The following SLC26A7 variants were observed in gnomAD, a reference collection of about 807,000 sequenced individuals.
SLC26A7 encodes the protein anion exchange transporter.
SLC26A7 carries 59 observed loss-of-function variants against 82.5 expected under a neutral mutation model. The ratio of observed to expected loss-of-function variants is 0.72; its 90% CI spans 0.58 to 0.89. The LOEUF is 0.89. Ranked by LOEUF, SLC26A7 falls within the 40% of genes least tolerant of loss-of-function variation. The pLI, the probability that SLC26A7 is intolerant of heterozygous loss-of-function variation, is 0.00. For missense variants in SLC26A7, 820 were observed against 793.0 expected, an observed-to-expected ratio of 1.03 and a Z score of -0.41; for synonymous variants, 271 against 274.3, an observed-to-expected ratio of 0.99 and a Z score of 0.12.
At chr8:91,266,148 A>C (rs1430114181) in intron 2 of SLC26A7, among the ~76,000 whole-genome samples, 1 of 151,768 alleles carries the variant, frequency 6.6e-6, no homozygotes, top group East Asian at 1.9e-4. Flanking sequence ...GCTCTGTAGT[A>C]TATTTTGAAG....
intron 14 of SLC26A7, among the ~76,000 whole-genome samples, chr8:91,367,431 C>T (rs1053629766): frequency 2.6e-5 from 4 of 152,134 alleles, no homozygotes; most frequent in Admixed American, 6.5e-5. Flanking sequence ...TTATAATGTT[C>T]CAGAATTCTT....
chr8:91,269,338 G>A (rs1811204366), intron 2 of SLC26A7, among the ~76,000 whole-genome samples: 1 of 151,988 alleles, frequency 6.6e-6, no homozygotes. Flanking sequence ...CACATTTGAA[G>A]GTTAACTTCG....
At chr8:91,295,400 A>G in intron 3 of SLC26A7, 131 bp from the exon 4 acceptor site, 1 of 980,318 alleles carries the variant, frequency 1.0e-6, no homozygotes, top group South Asian at 1.9e-5. Flanking sequence ...AAGCAAGGCC[A>G]CAGAGGAGGG....
chr8:91,380,468 A>G (rs1038829911), intron 15 of SLC26A7, among the ~76,000 whole-genome samples: 2 of 152,178 alleles, frequency 1.3e-5, no homozygotes, highest in African/African-American at 4.8e-5. Context: ...AATGATGTGG[A>G]CAATCATCTC....
Position 91,249,831 on chromosome 8 carries a change from A to C in SLC26A7, c.180A>C (p.Gln60His), listed in dbSNP as rs1031229613. 1 of 1,603,818 alleles carries C rather than the reference A, an allele frequency of 6.2e-7. No individual in the cohort carries two copies. The highest frequency in any genetic ancestry group is 1.7e-5 in the Admixed American group (1 of 57,736). Residue 60 changes from glutamine (Q) to histidine (H), a missense_variant, in exon 2 of 19, where the codon CAA (glutamine) becomes CAC (histidine). Physicochemically the swap from Gln to His is conservative, Grantham distance 24. Transcript: ENST00000276609. ...TGTCTGGGATAATGTTGGCAGTTCA[A>C]CAGGTGACCCAAGGTAATGTATTGC... ...DTVSGIMLAV[Q>H]QVTQGLAFAV...
chr8:91,244,803 G>A (rs112511769), upstream of SLC26A7, among the ~76,000 whole-genome samples: 1,350 of 152,078 alleles, frequency 8.9e-3, 17 homozygotes, highest in African/African-American at 0.031. Flanking sequence ...TTATAGGTAT[G>A]AGCCACTGCA....
At chr8:91,323,818 C>CTTTTTTTTTTTTTTTT (rs3086210) in intron 5 of SLC26A7, among the ~76,000 whole-genome samples, 2 of 117,092 alleles carry the variant, frequency 1.7e-5, no homozygotes, top group Middle Eastern at 4.6e-3. Flanking sequence ...TTTTTCTTAT[C>CTTTTTTTTTTTTTTTT]TTTTTTTTTT....
At chr8:91,229,726 T>C (rs1295330043) in intron 2 of SLC26A7, among the ~76,000 whole-genome samples, 3 of 152,192 alleles carry the variant, frequency 2.0e-5, no homozygotes, top group Non-Finnish European at 4.4e-5. Context: ...TATAAAGATA[T>C]GGAGCATTGC....
At chr8:91,219,916 AC>A (rs1487244010) in intron 2 of SLC26A7, among the ~76,000 whole-genome samples, 1 of 152,120 alleles carries the variant, frequency 6.6e-6, no homozygotes, top group Non-Finnish European at 1.5e-5. Flanking sequence ...TCATATTTAA[AC>A]CCCACCAGAA....
intron 2 of SLC26A7, among the ~76,000 whole-genome samples, chr8:91,230,338 T>G (rs1405641863): frequency 1.3e-5 from 2 of 152,190 alleles, no homozygotes; most frequent in African/African-American, 4.8e-5. Context: ...CACAGGCACT[T>G]TGTGGTTTAG....
chr8:91,273,638 A>G (rs1479601402), intron 2 of SLC26A7, among the ~76,000 whole-genome samples: 1 of 152,226 alleles, frequency 6.6e-6, no homozygotes, highest in Non-Finnish European at 1.5e-5. Context: ...ACTGGAAAAT[A>G]TGCTTAGTGA....
chr8:91,389,983 C>A (rs1197305711), intron 16 of SLC26A7, among the ~76,000 whole-genome samples: 1 of 152,150 alleles, frequency 6.6e-6, no homozygotes. Context: ...CAAAAAATAA[C>A]ACTCCACTTA....
chr8:91,265,155 T>C (rs1431578004), intron 2 of SLC26A7, among the ~76,000 whole-genome samples: 1 of 152,114 alleles, frequency 6.6e-6, no homozygotes, highest in Non-Finnish European at 1.5e-5. Flanking sequence ...TCTTTCTGTG[T>C]CTGGCTTATT....
At chr8:91,295,162 T>A (rs550760929) in intron 3 of SLC26A7, among the ~76,000 whole-genome samples, 20 of 152,326 alleles carry the variant, frequency 1.3e-4, no homozygotes, top group African/African-American at 4.6e-4. Flanking sequence ...TTATATCCAG[T>A]GTAATGTGCT....
chr8:91,244,753 T>G (rs538379916), upstream of SLC26A7, among the ~76,000 whole-genome samples: 1 of 152,198 alleles, frequency 6.6e-6, no homozygotes, highest in South Asian at 2.1e-4. Context: ...ACTCCTGTGC[T>G]CAAGTTATCC....
chr8:91,306,467 C>A (rs768272914), intron 4 of SLC26A7, among the ~76,000 whole-genome samples: 1 of 152,058 alleles, frequency 6.6e-6, no homozygotes, highest in South Asian at 2.1e-4. Flanking sequence ...TTTAGACTTA[C>A]CTGAAGATTC....
At chr8:91,366,536 A>G in intron 13 of SLC26A7, 44 bp from the exon 14 acceptor site, 1 of 1,590,382 alleles carries the variant, frequency 6.3e-7, no homozygotes, top group Non-Finnish European at 8.5e-7. Flanking sequence ...TATTGGCTAT[A>G]ATTTTCTATT....
chr8:91,376,464 G>A (rs1814519890), intron 15 of SLC26A7, among the ~76,000 whole-genome samples: 1 of 152,022 alleles, frequency 6.6e-6, no homozygotes, highest in Non-Finnish European at 1.5e-5. Flanking sequence ...TTCATTTCTG[G>A]GTGCTTTCAG....
chr8:91,264,851 TATC>T (rs1054900977), intron 2 of SLC26A7, among the ~76,000 whole-genome samples: 22 of 152,070 alleles, frequency 1.4e-4, no homozygotes, highest in African/African-American at 4.8e-4. Context: ...TCAAGGTAGT[TATC>T]ATGTCTATCA....
Sources: allele counts gnomAD v4.1 joint callset (sites outside exome capture counted in the v4.1 genomes callset), GRCh38; gene constraint gnomAD v4.1.1; transcripts MANE v1.5; gene names NCBI Gene and HGNC (gene_info 2026-07-23, HGNC 2026-07-21).